The following SCYL2 variants were observed in gnomAD, a reference collection of about 807,000 sequenced individuals.
SCYL2 encodes SCY1-like protein 2.
In SCYL2, 36 loss-of-function variants were observed where a neutral mutation model predicts 100.4. That is an observed-to-expected ratio of 0.36 (90% CI 0.27 to 0.47). The LOEUF is 0.47. SCYL2 is among the 20% of genes least tolerant of loss of function. The pLI, the probability that SCYL2 is intolerant of heterozygous loss-of-function variation, is 1.00. For synonymous variants in SCYL2, 330 were observed against 359.2 expected (o/e 0.92, Z 0.92); for missense variants, 902 against 1,083.9 (o/e 0.83, Z 2.36).
intron 12 of SCYL2, among the ~76,000 whole-genome samples, chr12:100,328,404 G>A (rs192531999): frequency 2.6e-5 from 4 of 152,314 alleles, no homozygotes; most frequent in Admixed American, 2.0e-4. Flanking sequence ...TGAGACTAAC[G>A]TCATTTTAGG....
rs118007908 is a variant in SCYL2 at position 100,276,374 on chromosome 12, G to A, written c.-28-6569G>A. Among the ~76,000 whole-genome samples the A allele has an allele frequency of 2.2e-3, 337 of 151,396 alleles. 4 individuals carry two copies. In the East Asian group the frequency reaches 0.037, roughly 16 times the overall value. ...GAAATAGGATCCCACTCTTTGTCACGCAGGCCAGAGGAGAGTGGCACAATC... is the reference window on the plus strand; with the variant it reads ...GAAATAGGATCCCACTCTTTGTCACACAGGCCAGAGGAGAGTGGCACAATC... On this transcript the variant is annotated intron_variant, in intron 1 of 17. Transcript: ENST00000360820.
At chr12:100,298,405 T>C (rs1361921503) in intron 4 of SCYL2, among the ~76,000 whole-genome samples, 1 of 152,214 alleles carries the variant, frequency 6.6e-6, no homozygotes, top group East Asian at 1.9e-4. Flanking sequence ...GGGGGTCACT[T>C]ATTGGCTAGT....
chr12:100,269,279 T>C (rs1001661759), intron 1 of SCYL2, among the ~76,000 whole-genome samples: 1 of 152,064 alleles, frequency 6.6e-6, no homozygotes, highest in Non-Finnish European at 1.5e-5. Flanking sequence ...GCTTCAAGTA[T>C]GTGGCTTTGG....
At chr12:100,285,786 G>A (rs933917459) in intron 2 of SCYL2, among the ~76,000 whole-genome samples, 1 of 151,934 alleles carries the variant, frequency 6.6e-6, no homozygotes, top group African/African-American at 2.4e-5. Context: ...TTGAATATAG[G>A]TATTCTTTTC....
In SCYL2 at chr12:100,267,190, C is replaced by G; in HGVS notation, c.-631C>G. 2 of 1,149,228 alleles carry G rather than the reference C, an allele frequency of 1.7e-6. 1 individual carries two copies. The highest frequency in any genetic ancestry group is 3.0e-5 in the South Asian group (2 of 66,588). The allele number at this position is 1,149,228 out of a possible 1,614,324, so 71.2% of individuals were successfully genotyped here. On this transcript the variant is annotated 5_prime_UTR_variant, in exon 1 of 18. Transcript: ENST00000360820. ...GGCAGGTCTTTTAGTCTTTTTCCCC[C>G]TCCCTTACTCTTCGTCCCCGGTCCC...
intron 10 of SCYL2, among the ~76,000 whole-genome samples, chr12:100,322,083 A>T (rs1332562912): frequency 6.6e-6 from 1 of 150,638 alleles, no homozygotes; most frequent in African/African-American, 2.4e-5. Flanking sequence ...CAAGAAAACT[A>T]AAAAAAGGGC....
At chr12:100,326,911 C>T (rs1033016010) in intron 12 of SCYL2, among the ~76,000 whole-genome samples, 157 bp downstream of exon 12, 1 of 152,072 alleles carries the variant, frequency 6.6e-6, no homozygotes, top group African/African-American at 2.4e-5. Flanking sequence ...TTAAGTTTAG[C>T]AAAAGCAGTA....
intron 14 of SCYL2, 121 bp downstream of exon 14, chr12:100,334,387 C>A: frequency 1.5e-6 from 1 of 676,474 alleles, no homozygotes; most frequent in Non-Finnish European, 2.6e-6. Flanking sequence ...ACATGTAAAA[C>A]ATTTCAAAAT....
intron 10 of SCYL2, among the ~76,000 whole-genome samples, chr12:100,320,532 A>T (rs1294227579): frequency 6.6e-6 from 1 of 150,638 alleles, no homozygotes; most frequent in Non-Finnish European, 1.5e-5. Context: ...TGGGCGACAG[A>T]GTGAGACTCC....
intron 3 of SCYL2, among the ~76,000 whole-genome samples, chr12:100,296,591 A>G (rs115666366): frequency 6.6e-6 from 1 of 152,208 alleles, no homozygotes; most frequent in Non-Finnish European, 1.5e-5. Context: ...AGAATAAAAA[A>G]GAAGATAAGG....
intron 4 of SCYL2, among the ~76,000 whole-genome samples, chr12:100,304,843 G>A (rs575550654): frequency 1.8e-4 from 27 of 152,020 alleles, no homozygotes; most frequent in Middle Eastern, 6.8e-3. Context: ...AAAAAAGCGG[G>A]GGTTGCAGTC....
intron 1 of SCYL2, among the ~76,000 whole-genome samples, chr12:100,275,309 C>T (rs2096291416): frequency 6.6e-6 from 1 of 152,010 alleles, no homozygotes; most frequent in Non-Finnish European, 1.5e-5. Context: ...TCAAGTGATC[C>T]TTCCACCTCA....
chr12:100,292,570 C>G (rs576795615), intron 3 of SCYL2, among the ~76,000 whole-genome samples: 3 of 152,270 alleles, frequency 2.0e-5, no homozygotes, highest in Admixed American at 2.0e-4. Flanking sequence ...CCATCTCACC[C>G]TTCAAAGGCA....
At chr12:100,310,645 A>T (rs2096341116) in intron 4 of SCYL2, among the ~76,000 whole-genome samples, 2 of 152,232 alleles carry the variant, frequency 1.3e-5, no homozygotes, top group Non-Finnish European at 2.9e-5. Context: ...TATTCAGGAA[A>T]ACTGAATTTC....
chr12:100,315,707 T>C lies in SCYL2; in HGVS notation c.1245T>C (p.Pro415=). The change falls in exon 9 of 18, where the codon CCT becomes CCC. Residue 415 remains proline, a synonymous_variant. Transcript: ENST00000360820. ...AATTAATTCTTCCTGAACTTGGCCC[T>C]GTGTTTAAGCAGCAGGAGCCAATCC... ...YVKLILPELG[P]VFKQQEPIQI... 3.7e-6 allele frequency: 6 copies of C among 1,610,148 alleles called. No homozygotes were observed. The highest frequency in any genetic ancestry group is 5.1e-6 in the Non-Finnish European group (6 of 1,178,028).
At chr12:100,333,573 A>G (rs1360309186) in intron 13 of SCYL2, 2 of 152,290 alleles carry the variant, frequency 1.3e-5, no homozygotes, top group Non-Finnish European at 2.9e-5. Flanking sequence ...ATGAAGTACC[A>G]TAGGGATGAA....
At chr12:100,305,278 A>G (rs1011532035) in intron 4 of SCYL2, among the ~76,000 whole-genome samples, 1 of 152,232 alleles carries the variant, frequency 6.6e-6, no homozygotes, top group Admixed American at 6.5e-5. Context: ...AGCAAATGCA[A>G]AAGAATGGAA....
intron 2 of SCYL2, among the ~76,000 whole-genome samples, chr12:100,287,534 G>A (rs1269884257): frequency 6.6e-6 from 1 of 152,182 alleles, no homozygotes; most frequent in African/African-American, 2.4e-5. Context: ...AAATACTACA[G>A]TCTTTTAGAA....
chr12:100,318,892 C>T (rs1057227296), intron 10 of SCYL2, among the ~76,000 whole-genome samples: 3 of 152,050 alleles, frequency 2.0e-5, no homozygotes, highest in African/African-American at 4.8e-5. Flanking sequence ...GTAGTCTTTG[C>T]GATTAAAATT....
Sources: gnomAD v4.1 joint callset for allele counts (sites outside exome capture counted in the v4.1 genomes callset) on GRCh38, gnomAD v4.1.1 for gene constraint, MANE v1.5 for transcripts, NCBI Gene and HGNC (gene_info 2026-07-23, HGNC 2026-07-21) for gene names.